The following NEK11 variants were observed in gnomAD, a reference collection of about 807,000 sequenced individuals.
The protein encoded by NEK11 is NIMA related kinase 11, also known as serine/threonine-protein kinase Nek11.
Under a neutral mutation model 80.7 loss-of-function variants are expected in NEK11, and 72 were observed. The observed-to-expected ratio is 0.89, with a 90% CI of 0.74 to 1.08. The LOEUF is 1.08. NEK11 is among the 50% of genes least tolerant of loss of function. NEK11 has a pLI of 0.00. For synonymous variants in NEK11, 251 were observed against 260.7 expected (o/e 0.96, Z 0.36); for missense variants, 764 against 763.6 (o/e 1.00, Z -0.01).
chr3:131,080,816 T>C (rs954694623), intron 4 of NEK11, among the ~76,000 whole-genome samples: 4 of 152,116 alleles, frequency 2.6e-5, no homozygotes, highest in Middle Eastern at 3.2e-3. Context: ...AAAGAATATA[T>C]TTTAAGGTGG....
At chr3:131,028,317 C>G (rs2064210553) in intron 2 of NEK11, among the ~76,000 whole-genome samples, 1 of 152,156 alleles carries the variant, frequency 6.6e-6, no homozygotes, top group Non-Finnish European at 1.5e-5. Context: ...GACACCACCA[C>G]GTAAAGCCCA....
At chr3:131,116,927 G>T (rs559333635) in intron 5 of NEK11, among the ~76,000 whole-genome samples, 8 of 152,292 alleles carry the variant, frequency 5.3e-5, no homozygotes, top group Admixed American at 1.3e-4. Context: ...TCTGTAGGTT[G>T]CCTGTTCACT....
chr3:131,043,736 A>C (rs1357469669), intron 3 of NEK11, among the ~76,000 whole-genome samples: 2 of 152,220 alleles, frequency 1.3e-5, no homozygotes, highest in Non-Finnish European at 2.9e-5. Flanking sequence ...AAGACAGGCC[A>C]ACATTCAAAT....
intron 16 of NEK11, among the ~76,000 whole-genome samples, chr3:131,263,709 T>C (rs548922451): frequency 2.0e-5 from 3 of 152,328 alleles, no homozygotes; most frequent in South Asian, 4.1e-4. Flanking sequence ...GCATGATTTA[T>C]AATCCTTTGG....
intron 3 of NEK11, among the ~76,000 whole-genome samples, chr3:131,052,397 T>G (rs2068585031): frequency 6.6e-6 from 1 of 152,230 alleles, no homozygotes; most frequent in Admixed American, 6.5e-5. Flanking sequence ...CTTGCATGAA[T>G]TTTTAAGATA....
At chr3:131,051,841 A>T (rs2068464432) in intron 3 of NEK11, among the ~76,000 whole-genome samples, 2 of 152,174 alleles carry the variant, frequency 1.3e-5, no homozygotes, top group South Asian at 4.1e-4. Flanking sequence ...TGAATATGTC[A>T]TGGAGTAGAG....
At chr3:131,176,589 A>C (rs776147352) in intron 14 of NEK11, among the ~76,000 whole-genome samples, 14 of 152,312 alleles carry the variant, frequency 9.2e-5, no homozygotes, top group South Asian at 8.3e-4. Context: ...GGCATATTTA[A>C]TAATTTAGAG....
At chr3:131,050,080 C>T (rs1475581817) in intron 3 of NEK11, among the ~76,000 whole-genome samples, 1 of 152,194 alleles carries the variant, frequency 6.6e-6, no homozygotes, top group Non-Finnish European at 1.5e-5. Context: ...GTCCCCTCAG[C>T]AGCTGCCTCA....
intron 14 of NEK11, among the ~76,000 whole-genome samples, chr3:131,192,811 A>G (rs765536314): frequency 9.9e-5 from 15 of 152,154 alleles, no homozygotes; most frequent in Non-Finnish European, 1.8e-4. Context: ...TTATTGTTTC[A>G]TGGTACAGAG....
intron 17 of NEK11, among the ~76,000 whole-genome samples, chr3:131,332,217 C>G (rs185265673): frequency 1.3e-5 from 2 of 152,236 alleles, no homozygotes; most frequent in Admixed American, 6.5e-5. Flanking sequence ...AGGCACCCCC[C>G]AGTAGGGGCA....
At chr3:131,336,377 C>G (rs559564937) in intron 17 of NEK11, among the ~76,000 whole-genome samples, 1 of 152,334 alleles carries the variant, frequency 6.6e-6, no homozygotes, top group Admixed American at 6.5e-5. Flanking sequence ...AAAGAATTCC[C>G]TATTTCATAA....
intron 17 of NEK11, among the ~76,000 whole-genome samples, chr3:131,298,641 A>AT (rs1386610424): frequency 2.0e-5 from 3 of 150,746 alleles, no homozygotes; most frequent in Non-Finnish European, 4.4e-5. Flanking sequence ...TTCTTTCAGG[A>AT]TTTTTTCTTT....
At chr3:131,118,364 G>C (rs893362488) in intron 5 of NEK11, among the ~76,000 whole-genome samples, 2 of 152,180 alleles carry the variant, frequency 1.3e-5, no homozygotes, top group African/African-American at 2.4e-5. Flanking sequence ...TGTGCTGTTG[G>C]ATTCAGTTTG....
chr3:131,206,973 A>G (rs1012146163), intron 14 of NEK11, among the ~76,000 whole-genome samples: 1 of 152,148 alleles, frequency 6.6e-6, no homozygotes, highest in Non-Finnish European at 1.5e-5. Context: ...AGCTTCATCC[A>G]TGTCCCTACA....
At chr3:131,243,641 A>G (rs144257030) in intron 16 of NEK11, 145 bp downstream of exon 16, 24 of 660,058 alleles carry the variant, frequency 3.6e-5, no homozygotes, top group African/African-American at 2.6e-4. Context: ...TGAATGTCTG[A>G]CCCAAAAGCC....
chr3:131,299,659 A>G (rs1433591698), intron 17 of NEK11, among the ~76,000 whole-genome samples: 1 of 152,194 alleles, frequency 6.6e-6, no homozygotes, highest in Non-Finnish European at 1.5e-5. Flanking sequence ...TAGCTTGCTT[A>G]GGATAATGGC....
intron 4 of NEK11, among the ~76,000 whole-genome samples, chr3:131,102,028 T>C (rs2149272867): frequency 6.6e-6 from 1 of 152,362 alleles, no homozygotes; most frequent in Non-Finnish European, 1.5e-5. Context: ...TTATTTTATA[T>C]GGGAATAGTG....
At chr3:131,292,301 T>G (rs2096551938) in intron 17 of NEK11, among the ~76,000 whole-genome samples, 1 of 152,238 alleles carries the variant, frequency 6.6e-6, no homozygotes, top group Non-Finnish European at 1.5e-5. Flanking sequence ...TTGCCAATAC[T>G]ACATTGTCTT....
rs533079350 is a variant in NEK11, at chr3:131,319,179, T to C, written c.1719-30378T>C. Among the ~76,000 whole-genome samples the C allele has an allele frequency of 5.3e-5, 8 of 152,310 alleles. No individual in the cohort carries two copies. The East Asian group carries it at 1.5e-3, about 29-fold the overall frequency. ...CACAGGATTCTTACTTATTGCCAAA[T>C]TGATTTCCATACTCCACAAAGATTT... On this transcript the variant is annotated intron_variant, in intron 17 of 17. Coordinates refer to ENST00000383366, the MANE Select transcript of NEK11 (RefSeq NM_024800.5).
Sources: gnomAD v4.1 joint callset for allele counts (sites outside exome capture counted in the v4.1 genomes callset) on GRCh38, gnomAD v4.1.1 for gene constraint, MANE v1.5 for transcripts, NCBI Gene and HGNC (gene_info 2026-07-23, HGNC 2026-07-21) for gene names.